The following FHIT variants were observed in gnomAD, a reference collection of about 807,000 sequenced individuals.
The protein encoded by FHIT is fragile histidine triad diadenosine triphosphatase.
A neutral mutation model predicts 17.9 loss-of-function variants in FHIT; 19 were observed. The ratio of observed to expected loss-of-function variants is 1.06; its 90% CI spans 0.74 to 1.56. The LOEUF (loss-of-function observed/expected upper bound fraction) is 1.56. Among genes scored for constraint, FHIT ranks in the 40% most tolerant of loss-of-function variants. FHIT has a pLI of 0.00. For missense variants in FHIT, 248 were observed against 189.2 expected, an observed-to-expected ratio of 1.31 and a Z score of -1.82; for synonymous variants, 81 against 69.7, an observed-to-expected ratio of 1.16 and a Z score of -0.81.
intron 5 of FHIT, among the ~76,000 whole-genome samples, chr3:60,117,176 G>GTTGGCTTGATAAGATTTCCAGTAC: frequency 6.6e-6 from 1 of 152,112 alleles, no homozygotes; most frequent in Non-Finnish European, 1.5e-5. Context: ...ATTTCCAGTA[G>GTTGGCTTGATAAGATTTCCAGTAC]TTGGCTTGAA....
intron 3 of FHIT, among the ~76,000 whole-genome samples, chr3:60,825,597 C>T (rs1553740709): frequency 6.6e-6 from 1 of 152,076 alleles, no homozygotes; most frequent in Non-Finnish European, 1.5e-5. Context: ...CCTGTCAGAT[C>T]AGCAGGGACA....
intron 7 of FHIT, among the ~76,000 whole-genome samples, chr3:59,959,793 G>T (rs1439350233): frequency 1.3e-5 from 2 of 152,144 alleles, no homozygotes; most frequent in Non-Finnish European, 2.9e-5. Flanking sequence ...GAAAGTAATG[G>T]GAGCCTATGA....
At chr3:60,274,724 G>T (rs1382325117) in intron 5 of FHIT, among the ~76,000 whole-genome samples, 1 of 152,092 alleles carries the variant, frequency 6.6e-6, no homozygotes, top group Non-Finnish European at 1.5e-5. Context: ...ACTAAAATGA[G>T]TCTGTTCAGG....
chr3:59,917,381 G>C (rs1379351009), intron 8 of FHIT, among the ~76,000 whole-genome samples: 1 of 152,208 alleles, frequency 6.6e-6, no homozygotes, highest in East Asian at 1.9e-4. Context: ...AGTTATGAGA[G>C]TTGGTTATTT....
chr3:59,835,093 C>T (rs928268351), intron 8 of FHIT, among the ~76,000 whole-genome samples: 3 of 152,142 alleles, frequency 2.0e-5, no homozygotes, highest in African/African-American at 7.2e-5. Context: ...TTTGCAAAGA[C>T]AATCTTTCCC....
chr3:60,393,384 T>G (rs931811079), intron 5 of FHIT, among the ~76,000 whole-genome samples: 1 of 150,070 alleles, frequency 6.7e-6, no homozygotes, highest in Non-Finnish European at 1.5e-5. Context: ...TATATATATT[T>G]TTGTAAAATT....
chr3:59,813,960 T>C (rs1239019945), intron 8 of FHIT, among the ~76,000 whole-genome samples: 1 of 151,942 alleles, frequency 6.6e-6, no homozygotes, highest in Non-Finnish European at 1.5e-5. Flanking sequence ...TGCTCACAAA[T>C]GACCTGATGT....
intron 4 of FHIT, among the ~76,000 whole-genome samples, chr3:60,670,255 T>C (rs909830892): frequency 1.1e-4 from 17 of 152,204 alleles, no homozygotes; most frequent in Non-Finnish European, 1.5e-5. Flanking sequence ...CTCTAATGCA[T>C]TCTTGATAAG....
intron 4 of FHIT, among the ~76,000 whole-genome samples, chr3:60,562,731 G>C (rs2036995873): frequency 6.6e-6 from 1 of 152,118 alleles, no homozygotes; most frequent in African/African-American, 2.4e-5. Context: ...CTGACCCCTA[G>C]GTAATTCATA....
chr3:61,207,325 T>C (rs1005388844), intron 1 of FHIT, among the ~76,000 whole-genome samples: 1 of 152,226 alleles, frequency 6.6e-6, no homozygotes, highest in Non-Finnish European at 1.5e-5. Flanking sequence ...AGGATGATGC[T>C]GGCCTCATAA....
chr3:60,501,550 G>A (rs1203088938), intron 5 of FHIT, among the ~76,000 whole-genome samples: 1 of 152,090 alleles, frequency 6.6e-6, no homozygotes, highest in Non-Finnish European at 1.5e-5. Context: ...CAATTATTTG[G>A]GAGTGGCTGG....
chr3:60,473,119 T>G (rs555200649), intron 5 of FHIT, among the ~76,000 whole-genome samples: 1 of 152,318 alleles, frequency 6.6e-6, no homozygotes, highest in South Asian at 2.1e-4. Context: ...TGAGTTACAG[T>G]AAATGATGCA....
chr3:60,855,498 G>A (rs1553749678), intron 3 of FHIT, among the ~76,000 whole-genome samples: 2 of 152,108 alleles, frequency 1.3e-5, no homozygotes, highest in African/African-American at 4.8e-5. Flanking sequence ...AAGAGCCTGA[G>A]TATGAAAGAC....
chr3:59,870,869 G>A (rs1445276702), intron 8 of FHIT, among the ~76,000 whole-genome samples: 3 of 102,266 alleles, frequency 2.9e-5, no homozygotes, highest in Non-Finnish European at 4.9e-5. Flanking sequence ...GTGTGTGTGT[G>A]TGTGCGTGTG....
chr3:60,235,870 T>G (rs2107562395), intron 5 of FHIT, among the ~76,000 whole-genome samples: 1 of 152,248 alleles, frequency 6.6e-6, no homozygotes, highest in East Asian at 1.9e-4. Context: ...GTTTGAATTT[T>G]AAAAAATAAA....
chr3:60,714,507 G>A (rs1169229838), intron 4 of FHIT, among the ~76,000 whole-genome samples: 1 of 152,210 alleles, frequency 6.6e-6, no homozygotes, highest in Admixed American at 6.5e-5. Flanking sequence ...CCTGTTTGCA[G>A]ATGACATGAT....
At chr3:61,161,391 CG>C (rs1366714514) in intron 2 of FHIT, among the ~76,000 whole-genome samples, 1 of 151,808 alleles carries the variant, frequency 6.6e-6, no homozygotes, top group Non-Finnish European at 1.5e-5. Context: ...TTAGTAGAGA[CG>C]GGGGTTTCAC....
intron 3 of FHIT, among the ~76,000 whole-genome samples, chr3:60,857,723 G>A (rs1703447001): frequency 6.6e-6 from 1 of 152,122 alleles, no homozygotes; most frequent in Non-Finnish European, 1.5e-5. Context: ...CAGGCCAGGA[G>A]TTCAAGACCA....
chr3:60,940,885 T>C (rs1296069261), intron 3 of FHIT, among the ~76,000 whole-genome samples: 1 of 152,176 alleles, frequency 6.6e-6, no homozygotes, highest in African/African-American at 2.4e-5. Flanking sequence ...CACTTGGATT[T>C]AGTGGTAGTG....
Sources: allele counts gnomAD v4.1 joint callset (sites outside exome capture counted in the v4.1 genomes callset), GRCh38; gene constraint gnomAD v4.1.1; transcripts MANE v1.5; gene names NCBI Gene and HGNC (gene_info 2026-07-23, HGNC 2026-07-21).